CEP112: variants seen among roughly 807,000 people sequenced by gnomAD.
The protein encoded by CEP112 is centrosomal protein of 112 kDa.
A neutral mutation model predicts 153.0 loss-of-function variants in CEP112; 127 were observed. The ratio of observed to expected loss-of-function variants is 0.83; its 90% CI spans 0.72 to 0.96. The LOEUF (loss-of-function observed/expected upper bound fraction) is 0.96. CEP112 is among the 40% of genes least tolerant of loss of function. The pLI is 0.00. For synonymous variants in CEP112, 358 were observed against 374.4 expected (o/e 0.96, Z 0.51); for missense variants, 1,089 against 1,101.2 (o/e 0.99, Z 0.16).
chr17:66,173,489 C>T (rs972448101), intron 4 of CEP112, among the ~76,000 whole-genome samples: 1 of 152,200 alleles, frequency 6.6e-6, no homozygotes, highest in South Asian at 2.1e-4. Flanking sequence ...TTAAACTATG[C>T]TCTAAGCTCT....
intron 23 of CEP112, among the ~76,000 whole-genome samples, chr17:65,716,939 GT>G (rs1402249686): frequency 6.6e-6 from 1 of 152,142 alleles, no homozygotes; most frequent in Non-Finnish European, 1.5e-5. Context: ...CTGACTACAG[GT>G]CTGGATTCTA....
chr17:65,753,207 T>A (rs1326291990), intron 21 of CEP112, among the ~76,000 whole-genome samples: 1 of 152,204 alleles, frequency 6.6e-6, no homozygotes, highest in Non-Finnish European at 1.5e-5. Context: ...CTCACCTCTA[T>A]GGTAGTACTA....
chr17:65,841,800 T>A (rs1260967983), intron 21 of CEP112, among the ~76,000 whole-genome samples: 4 of 151,916 alleles, frequency 2.6e-5, no homozygotes, highest in Non-Finnish European at 4.4e-5. Context: ...ATAAATTTTT[T>A]AAAAGTTTGC....
At chr17:66,177,229 AC>A (rs1212779635) in intron 2 of CEP112, among the ~76,000 whole-genome samples, 1 of 152,200 alleles carries the variant, frequency 6.6e-6, no homozygotes. Flanking sequence ...GCACTCAGAG[AC>A]CATAAGTAAA....
chr17:65,854,008 G>A (rs2058050277), intron 20 of CEP112, among the ~76,000 whole-genome samples: 1 of 152,144 alleles, frequency 6.6e-6, no homozygotes, highest in Non-Finnish European at 1.5e-5. Context: ...TCCTATACAT[G>A]CCTATCATAT....
intron 23 of CEP112, among the ~76,000 whole-genome samples, chr17:65,734,938 T>C (rs2050714586): frequency 1.3e-5 from 2 of 152,220 alleles, no homozygotes; most frequent in Admixed American, 6.5e-5. Flanking sequence ...AATGGATCTT[T>C]TACTCAGGCA....
chr17:66,097,296 C>T (rs751397094), intron 6 of CEP112, among the ~76,000 whole-genome samples: 1 of 152,150 alleles, frequency 6.6e-6, no homozygotes, highest in Non-Finnish European at 1.5e-5. Context: ...TTAACTTACT[C>T]AAGACTTGTA....
At chr17:66,176,147 T>C (rs948012303) in intron 3 of CEP112, among the ~76,000 whole-genome samples, 1 of 152,204 alleles carries the variant, frequency 6.6e-6, no homozygotes, top group Non-Finnish European at 1.5e-5. Flanking sequence ...TTAAAATACA[T>C]GACACAAGAA....
chr17:65,921,192 C>T (rs1298066071), intron 19 of CEP112, among the ~76,000 whole-genome samples: 4 of 152,086 alleles, frequency 2.6e-5, no homozygotes, highest in Admixed American at 1.3e-4. Flanking sequence ...CACCGTCAGA[C>T]GGCTCCACGA....
intron 6 of CEP112, among the ~76,000 whole-genome samples, chr17:66,103,951 G>C (rs1157040793): frequency 6.6e-6 from 1 of 152,130 alleles, no homozygotes; most frequent in Admixed American, 6.6e-5. Context: ...CTAGCCAGAG[G>C]CAAATCATTC....
At chr17:65,669,857 C>T (rs980439267) in intron 24 of CEP112, among the ~76,000 whole-genome samples, 2 of 150,052 alleles carry the variant, frequency 1.3e-5, no homozygotes, top group Admixed American at 6.7e-5. Context: ...GAGCCGAGAT[C>T]GCGCCACTGC....
At chr17:66,029,277 C>A (rs764213112) in intron 13 of CEP112, 25 bp from the exon 14 acceptor site, 4 of 1,593,662 alleles carry the variant, frequency 2.5e-6, no homozygotes, top group Non-Finnish European at 3.4e-6. Flanking sequence ...ATAAAATAGA[C>A]TTTCAATGTA....
At chr17:65,802,813 T>C (rs1226014917) in intron 21 of CEP112, among the ~76,000 whole-genome samples, 2 of 152,200 alleles carry the variant, frequency 1.3e-5, no homozygotes, top group African/African-American at 4.8e-5. Flanking sequence ...CAGGATTGTA[T>C]TTTCCAAAGA....
At chr17:66,149,057 AAG>A (rs1246645791) in intron 4 of CEP112, among the ~76,000 whole-genome samples, 1 of 152,220 alleles carries the variant, frequency 6.6e-6, no homozygotes, top group Non-Finnish European at 1.5e-5. Flanking sequence ...ACTTTGTGAA[AAG>A]ATTTTTCTAC....
intron 17 of CEP112, among the ~76,000 whole-genome samples, chr17:66,001,960 T>TA (rs2064074067): frequency 6.6e-6 from 1 of 152,080 alleles, no homozygotes. Context: ...TTTTCTACAG[T>TA]AAAAAACGAA....
chr17:66,005,708 T>C lies in CEP112; in HGVS notation c.1718A>G (p.Lys573Arg), dbSNP rs763987307. Residue 573 changes from lysine to arginine, a missense_variant, in exon 17 of 27, where the codon AAA becomes AGA. Transcript: ENST00000535342. ...TACTCACTTCAAAGCTTCCTCAAATTTATGAATTTTCTTTTGAGTATCTTC... is the reference window on the plus strand; with the variant it reads ...TACTCACTTCAAAGCTTCCTCAAATCTATGAATTTTCTTTTGAGTATCTTC... ...GKEDTQKKIH[K>R]FEEALKEKEE... The C allele has an allele frequency of 1.9e-6, 3 of 1,610,364 alleles. No homozygotes were observed. Among genetic ancestry groups the C allele is most frequent in the East Asian group, 2.2e-5 (1 of 44,656 alleles).
In CEP112 at chr17:65,683,129, G is replaced by T. The variant is rs202029700; in HGVS notation, c.2697+6000C>A. The stretch of plus-strand genomic sequence containing the variant: ...TTTCTCTCCCTGTGCCTTGGTGAGG[G>T]TATCTGGGACTCTGCAGCCCACGAG... On this transcript the variant is annotated intron_variant, in intron 24 of 26. Coordinates refer to ENST00000535342, the MANE Select transcript of CEP112 (RefSeq NM_001199165.4). Among the ~76,000 whole-genome samples the T allele has an allele frequency of 3.3e-3, 496 of 152,148 alleles. 3 individuals are homozygous for T. The highest frequency in any genetic ancestry group is 5.4e-3 in the Non-Finnish European group (367 of 68,014).
chr17:66,113,165 G>A (rs1176266025), intron 6 of CEP112, among the ~76,000 whole-genome samples: 1 of 139,752 alleles, frequency 7.2e-6, no homozygotes, highest in African/African-American at 2.9e-5. Context: ...ATGTCCAGCA[G>A]GCAGCAAAGT....
intron 23 of CEP112, among the ~76,000 whole-genome samples, chr17:65,712,734 T>G (rs1408730801): frequency 2.0e-5 from 3 of 152,088 alleles, no homozygotes; most frequent in Non-Finnish European, 4.4e-5. Flanking sequence ...GTAAGTTGGG[T>G]TAGAACTGTC....
Sources: allele counts gnomAD v4.1 joint callset (sites outside exome capture counted in the v4.1 genomes callset), GRCh38; gene constraint gnomAD v4.1.1; transcripts MANE v1.5; gene names NCBI Gene and HGNC (gene_info 2026-07-23, HGNC 2026-07-21).